OOSP4A: variants seen among roughly 807,000 people sequenced by gnomAD.
OOSP4A encodes the protein oocyte-secreted protein 4A.
At chr11:59,967,693 C>T (rs1297295785) in intron 3 of OOSP4A, among the ~76,000 whole-genome samples, 1 of 151,454 alleles carries the variant, frequency 6.6e-6, no homozygotes, top group Admixed American at 6.6e-5. Context: ...AAAATCAAGA[C>T]TTGCTAATGA....
intron 1 of OOSP4A, among the ~76,000 whole-genome samples, chr11:59,965,233 C>T (rs1453745114): frequency 6.6e-6 from 1 of 151,844 alleles, no homozygotes; most frequent in Admixed American, 6.6e-5. Flanking sequence ...ACCAACATGG[C>T]ACATGTATAC....
chr11:59,967,922 T>C (rs1854117676), intron 3 of OOSP4A, among the ~76,000 whole-genome samples: 1 of 152,132 alleles, frequency 6.6e-6, no homozygotes, highest in South Asian at 2.1e-4. Context: ...ATTTAATGGC[T>C]ATATTTAACT....
chr11:59,964,665 A>G (rs1405135590), intron 1 of OOSP4A, among the ~76,000 whole-genome samples: 2 of 152,226 alleles, frequency 1.3e-5, no homozygotes, highest in African/African-American at 4.8e-5. Context: ...GACCATAGAA[A>G]TGTACTGAAA....
intron 3 of OOSP4A, among the ~76,000 whole-genome samples, chr11:59,967,784 A>G (rs1590564694): frequency 6.6e-6 from 1 of 152,000 alleles, no homozygotes; most frequent in African/African-American, 2.4e-5. Context: ...GGTGGAGGCA[A>G]TTCTGCTTGT....
exon 2 of OOSP4A, chr11:59,965,656 C>A (rs1854091327): frequency 2.5e-6 from 1 of 398,474 alleles, no homozygotes; most frequent in Non-Finnish European, 4.4e-6. Flanking sequence ...TAAACATGGT[C>A]GAGGTGGATT....
At chr11:59,964,996 C>T (rs59228824) in intron 1 of OOSP4A, among the ~76,000 whole-genome samples, 5,701 of 151,836 alleles carry the variant, frequency 0.038, 334 homozygotes, top group African/African-American at 0.12. Flanking sequence ...GTGCATGTTG[C>T]GATATTTGAC....
At chr11:59,965,998 TA>T (rs1178084110) in intron 2 of OOSP4A, among the ~76,000 whole-genome samples, 1 of 152,162 alleles carries the variant, frequency 6.6e-6, no homozygotes. Flanking sequence ...TGTTGTTTTT[TA>T]AAATATTCTG....
At chr11:59,970,011 A>C (rs1854138943) in intron 4 of OOSP4A, 38 bp from the exon 5 acceptor site, 1 of 397,718 alleles carries the variant, frequency 2.5e-6, no homozygotes, top group Non-Finnish European at 4.4e-6. Context: ...GTTTCCCATC[A>C]GTACAACAAT....
At chr11:59,970,020 A>G in intron 4 of OOSP4A, 29 bp from the exon 5 acceptor site, 1 of 397,868 alleles carries the variant, frequency 2.5e-6, no homozygotes, top group Non-Finnish European at 4.4e-6. Flanking sequence ...CAGTACAACA[A>G]TGTAACTGTT....
chr11:59,968,079 G>T (rs1305705424), intron 3 of OOSP4A, among the ~76,000 whole-genome samples: 3 of 152,154 alleles, frequency 2.0e-5, no homozygotes, highest in Non-Finnish European at 4.4e-5. Context: ...GACTCCTAGA[G>T]TTTTACAGAG....
At chr11:59,966,927 G>A (rs75528348) in intron 2 of OOSP4A, 140 bp from the exon 3 acceptor site, 169 of 363,266 alleles carry the variant, frequency 4.7e-4, no homozygotes, top group Non-Finnish European at 6.9e-4. Flanking sequence ...ATTGTAGACC[G>A]TGCACTCATA....
At chr11:59,965,971 GT>G (rs999114043) in intron 2 of OOSP4A, among the ~76,000 whole-genome samples, 1 of 150,724 alleles carries the variant, frequency 6.6e-6, no homozygotes, top group South Asian at 2.1e-4. Flanking sequence ...CTGTGATAGT[GT>G]TTTTTTTGTT....
exon 3 of OOSP4A, chr11:59,967,129 C>T (rs896306326): frequency 4.3e-5 from 17 of 398,144 alleles, no homozygotes; most frequent in Admixed American, 8.8e-5. Flanking sequence ...ATTTTGACTT[C>T]AATTTACACA....
intron 3 of OOSP4A, among the ~76,000 whole-genome samples, chr11:59,967,666 A>AT (rs539131475): frequency 6.6e-5 from 10 of 151,072 alleles, no homozygotes; most frequent in Admixed American, 2.6e-4. Flanking sequence ...TATATATCTA[A>AT]TTTTTTTTAT....
At chr11:59,969,601 A>G (rs371522172) in intron 4 of OOSP4A, among the ~76,000 whole-genome samples, 123 of 152,308 alleles carry the variant, frequency 8.1e-4, no homozygotes, top group African/African-American at 2.6e-3. Flanking sequence ...TCCCGTAAAG[A>G]TAGTAATTGA....
chr11:59,967,261 T>G, intron 3 of OOSP4A, 97 bp downstream of exon 3: 1 of 393,568 alleles, frequency 2.5e-6, no homozygotes, highest in Admixed American at 4.4e-5. Context: ...ATGCTAAGGT[T>G]GGACATTGGA....
intron 2 of OOSP4A, 66 bp downstream of exon 2, chr11:59,965,779 ACT>A: frequency 2.5e-6 from 1 of 397,702 alleles, no homozygotes. Flanking sequence ...CAAACCAATG[ACT>A]AAAACTGCAG....
chr11:59,965,100 A>G (rs560302713), intron 1 of OOSP4A, among the ~76,000 whole-genome samples: 95 of 130,246 alleles, frequency 7.3e-4, no homozygotes, highest in Non-Finnish European at 1.1e-3. Flanking sequence ...ATGAGAACAC[A>G]TGGAGACAGG....
chr11:59,969,313 A>G (rs187405285), intron 4 of OOSP4A, 29 bp downstream of exon 4: 63 of 398,104 alleles, frequency 1.6e-4, no homozygotes, highest in African/African-American at 1.2e-3. Flanking sequence ...AGTACCATAA[A>G]TGTTTACAGT....
Sources: allele counts gnomAD v4.1 joint callset (sites outside exome capture counted in the v4.1 genomes callset), GRCh38; gene constraint gnomAD v4.1.1; transcripts MANE v1.5; gene names NCBI Gene and HGNC (gene_info 2026-07-23, HGNC 2026-07-21).